The following RBFOX1 variants were observed in gnomAD, a reference collection of about 807,000 sequenced individuals.
RBFOX1 encodes the protein RNA binding fox-1 homolog 1, also known as RNA binding protein fox-1 homolog 1.
Under a neutral mutation model 57.7 loss-of-function variants are expected in RBFOX1, and 8 were observed. That is an observed-to-expected ratio of 0.14 (90% CI 0.08 to 0.25). The LOEUF is 0.25. Among genes scored for constraint, RBFOX1 ranks in the 10% least tolerant of loss-of-function variants. The probability of loss-of-function intolerance (pLI) is 1.00; values close to 1 mark genes in which losing one functional copy is unlikely to be tolerated. For missense variants in RBFOX1, 611 were observed against 548.5 expected (o/e 1.11, Z -1.14); for synonymous variants, 326 against 222.4 (o/e 1.47, Z -4.15).
intron 4 of RBFOX1, among the ~76,000 whole-genome samples, chr16:7,173,937 G>A (rs1475696069): frequency 6.6e-6 from 1 of 152,212 alleles, no homozygotes; most frequent in Admixed American, 6.5e-5. Flanking sequence ...CACCCTGGGT[G>A]ACGCAGAGAA....
intron 4 of RBFOX1, among the ~76,000 whole-genome samples, chr16:7,111,836 T>G (rs2064845185): frequency 6.6e-6 from 1 of 152,106 alleles, no homozygotes; most frequent in South Asian, 2.1e-4. Context: ...ACTTTATAAT[T>G]CCAGGGCTAA....
intron 1 of RBFOX1, among the ~76,000 whole-genome samples, chr16:6,142,804 C>T (rs950200038): frequency 6.6e-6 from 1 of 152,166 alleles, no homozygotes; most frequent in African/African-American, 2.4e-5. Context: ...GCTGAGATCT[C>T]CTCCTGTCCA....
chr16:6,845,585 T>C lies in RBFOX1; in HGVS notation c.-16+190935T>C, dbSNP rs192054040. ...CCATGCTGTTTTGGTTATTGTAGCCTTGTAGGTAATCTTCTTAAATCATAC... is the reference window on the plus strand; with the variant it reads ...CCATGCTGTTTTGGTTATTGTAGCCCTGTAGGTAATCTTCTTAAATCATAC... On this transcript the variant is annotated intron_variant, in intron 3 of 15. Coordinates refer to ENST00000550418, the MANE Select transcript of RBFOX1 (RefSeq NM_018723.4). 1.2e-4 allele frequency among the ~76,000 whole-genome samples: 18 copies of C among 152,326 alleles called. No individual in the cohort carries two copies. In the East Asian group the frequency reaches 3.3e-3, roughly 28 times the overall value.
At chr16:7,279,602 A>C (rs1284585246) in intron 4 of RBFOX1, among the ~76,000 whole-genome samples, 1 of 152,160 alleles carries the variant, frequency 6.6e-6, no homozygotes, top group African/African-American at 2.4e-5. Context: ...TCAAAATAAA[A>C]TGTTCTGGGA....
chr16:7,014,735 G>GT (rs952214685), intron 3 of RBFOX1, among the ~76,000 whole-genome samples: 1 of 151,252 alleles, frequency 6.6e-6, no homozygotes, highest in African/African-American at 2.4e-5. Flanking sequence ...TTACCAGGTT[G>GT]TTTTTTCGAG....
intron 14 of RBFOX1, among the ~76,000 whole-genome samples, chr16:7,681,577 T>C (rs969794166): frequency 1.1e-4 from 16 of 152,150 alleles, no homozygotes; most frequent in Non-Finnish European, 1.9e-4. Context: ...TCCGATGATA[T>C]ATACTAAAAA....
At chr16:5,662,086 A>C (rs2049672015) in intron 3 of RBFOX1, among the ~76,000 whole-genome samples, 1 of 152,134 alleles carries the variant, frequency 6.6e-6, no homozygotes, top group African/African-American at 2.4e-5. Flanking sequence ...GCGCCCGGCC[A>C]AAACTTAGAC....
At chr16:6,411,064 A>C (rs116678458) in intron 2 of RBFOX1, among the ~76,000 whole-genome samples, 2 of 152,296 alleles carry the variant, frequency 1.3e-5, no homozygotes, top group Admixed American at 1.3e-4. Context: ...AGGAGAAGCT[A>C]GTATTATTCC....
intron 3 of RBFOX1, among the ~76,000 whole-genome samples, chr16:5,737,449 A>G (rs940797395): frequency 2.6e-5 from 4 of 151,986 alleles, no homozygotes; most frequent in Admixed American, 6.6e-5. Flanking sequence ...TCATGCTGCT[A>G]CACTGCAGCG....
At chr16:7,335,936 C>G (rs1384854913) in intron 4 of RBFOX1, among the ~76,000 whole-genome samples, 1 of 152,172 alleles carries the variant, frequency 6.6e-6, no homozygotes, top group Non-Finnish European at 1.5e-5. Flanking sequence ...TCTGGACTGT[C>G]TCATGTGCAG....
chr16:5,318,416 A>G (rs1347475734), intron 1 of RBFOX1, among the ~76,000 whole-genome samples: 1 of 152,176 alleles, frequency 6.6e-6, no homozygotes, highest in African/African-American at 2.4e-5. Context: ...GGCATAAGCC[A>G]CCATGCCCAG....
chr16:5,967,557 A>G (rs2059871297), intron 4 of RBFOX1, among the ~76,000 whole-genome samples: 1 of 152,208 alleles, frequency 6.6e-6, no homozygotes, highest in Admixed American at 6.5e-5. Context: ...TATAGTAGAT[A>G]AAGCAAGAAA....
intron 4 of RBFOX1, among the ~76,000 whole-genome samples, chr16:7,472,615 G>C (rs531120164): frequency 3.9e-5 from 6 of 152,174 alleles, no homozygotes; most frequent in Non-Finnish European, 5.9e-5. Context: ...CAGCAATTCA[G>C]TTCTTCTCCT....
At chr16:7,379,160 ACT>A (rs2097740387) in intron 4 of RBFOX1, among the ~76,000 whole-genome samples, 1 of 152,246 alleles carries the variant, frequency 6.6e-6, no homozygotes, top group African/African-American at 2.4e-5. Context: ...ATAGCAGTAA[ACT>A]CTCTTTCCTC....
chr16:6,206,006 G>C (rs951244159), intron 1 of RBFOX1, among the ~76,000 whole-genome samples: 2 of 151,810 alleles, frequency 1.3e-5, no homozygotes, highest in Admixed American at 6.6e-5. Context: ...CATCTAAAGA[G>C]CAGAACATAG....
intron 4 of RBFOX1, among the ~76,000 whole-genome samples, chr16:7,332,263 T>C (rs1352604093): frequency 2.8e-4 from 43 of 152,220 alleles, no homozygotes; most frequent in Admixed American, 2.8e-3. Context: ...CTGATAATAG[T>C]ACTGACTTCA....
chr16:6,665,656 T>C (rs2098727835), intron 3 of RBFOX1, among the ~76,000 whole-genome samples: 2 of 150,432 alleles, frequency 1.3e-5, no homozygotes, highest in South Asian at 4.2e-4. Context: ...GGAGGGAGTG[T>C]CACCTAATGA....
intron 2 of RBFOX1, among the ~76,000 whole-genome samples, chr16:6,340,355 G>C (rs2084376730): frequency 6.6e-6 from 1 of 152,096 alleles, no homozygotes; most frequent in Admixed American, 6.5e-5. Context: ...TCTAAGACAG[G>C]GTTCTTGGAT....
intron 3 of RBFOX1, among the ~76,000 whole-genome samples, chr16:6,747,501 T>C (rs2073994653): frequency 6.6e-6 from 1 of 152,222 alleles, no homozygotes; most frequent in Non-Finnish European, 1.5e-5. Context: ...TCTGTCTTAC[T>C]GGTTTACTTG....
Sources: gnomAD v4.1 joint callset for allele counts (sites outside exome capture counted in the v4.1 genomes callset) on GRCh38, gnomAD v4.1.1 for gene constraint, MANE v1.5 for transcripts, NCBI Gene and HGNC (gene_info 2026-07-23, HGNC 2026-07-21) for gene names.